The following PRKD1 variants were observed in gnomAD, a reference collection of about 807,000 sequenced individuals.
PRKD1 encodes the protein serine/threonine-protein kinase D1.
In PRKD1, 63 loss-of-function variants were observed where a neutral mutation model predicts 95.9. The observed-to-expected ratio is 0.66, with a 90% CI of 0.54 to 0.81. The LOEUF (loss-of-function observed/expected upper bound fraction) is 0.81. Among genes scored for constraint, PRKD1 ranks in the 30% least tolerant of loss-of-function variants. The probability of loss-of-function intolerance (pLI) is 0.00; values close to 1 mark genes in which losing one functional copy is unlikely to be tolerated. For missense variants in PRKD1, 1,048 were observed against 1,165.3 expected (o/e 0.90, Z 1.47); for synonymous variants, 425 against 423.1 (o/e 1.00, Z -0.05).
At chr14:29,630,538 T>A (rs1879930940) in intron 10 of PRKD1, 2 of 621,236 alleles carry the variant, frequency 3.2e-6, no homozygotes, top group Non-Finnish European at 5.4e-6. Context: ...AAAATAGCTA[T>A]AATAAAATAG....
chr14:29,728,096 C>T (rs955385905), intron 1 of PRKD1, among the ~76,000 whole-genome samples: 1 of 151,874 alleles, frequency 6.6e-6, no homozygotes, highest in Admixed American at 6.6e-5. Context: ...ACCAGCATGT[C>T]ACATGTATAC....
chr14:29,838,310 A>G (rs1272825511), intron 1 of PRKD1, among the ~76,000 whole-genome samples: 1 of 152,202 alleles, frequency 6.6e-6, no homozygotes, highest in East Asian at 1.9e-4. Flanking sequence ...ACTGCAGAGT[A>G]TAATCAAGCA....
chr14:29,713,320 C>A (rs1205876215), intron 2 of PRKD1, among the ~76,000 whole-genome samples: 2 of 152,094 alleles, frequency 1.3e-5, no homozygotes, highest in East Asian at 3.9e-4. Flanking sequence ...TTTAAACCTG[C>A]ATTCAGAATG....
intron 1 of PRKD1, among the ~76,000 whole-genome samples, chr14:29,894,851 G>A (rs951260061): frequency 2.6e-5 from 4 of 152,162 alleles, no homozygotes; most frequent in Admixed American, 2.6e-4. Flanking sequence ...GCTTTATTGA[G>A]CTTCAAACTT....
chr14:29,782,459 C>A (rs527380188), intron 1 of PRKD1, among the ~76,000 whole-genome samples: 1 of 152,044 alleles, frequency 6.6e-6, no homozygotes, highest in Admixed American at 6.6e-5. Flanking sequence ...AAACTTTGAA[C>A]GATTCTTTCT....
chr14:29,918,058 T>TG (rs1894954143), intron 1 of PRKD1, among the ~76,000 whole-genome samples: 1 of 151,898 alleles, frequency 6.6e-6, no homozygotes, highest in Non-Finnish European at 1.5e-5. Context: ...ACCCCAAAAT[T>TG]GATTTTTTCA....
At chr14:29,917,085 TAAGA>T (rs1894917859) in intron 1 of PRKD1, among the ~76,000 whole-genome samples, 1 of 152,174 alleles carries the variant, frequency 6.6e-6, no homozygotes, top group Non-Finnish European at 1.5e-5. Context: ...ATAAAAAGCT[TAAGA>T]AAGAGTGTCT....
At chr14:29,652,006 A>G (rs924013536) in intron 4 of PRKD1, among the ~76,000 whole-genome samples, 1 of 152,188 alleles carries the variant, frequency 6.6e-6, no homozygotes, top group Non-Finnish European at 1.5e-5. Context: ...TTGGCCTCCC[A>G]AAGTGTTGGG....
At chr14:29,703,085 T>C (rs1216266069) in intron 2 of PRKD1, among the ~76,000 whole-genome samples, 2 of 152,172 alleles carry the variant, frequency 1.3e-5, no homozygotes, top group Non-Finnish European at 2.9e-5. Context: ...TGATTTTTTT[T>C]CCCCATAGGT....
At chr14:29,885,964 CAAATA>C (rs1893692216) in intron 1 of PRKD1, among the ~76,000 whole-genome samples, 1 of 150,530 alleles carries the variant, frequency 6.6e-6, no homozygotes, top group Middle Eastern at 3.4e-3. Context: ...GACTCGGTCT[CAAATA>C]AAATAAAAAA....
At chr14:29,706,440 C>T (rs913916182) in intron 2 of PRKD1, among the ~76,000 whole-genome samples, 3 of 152,080 alleles carry the variant, frequency 2.0e-5, no homozygotes, top group Non-Finnish European at 4.4e-5. Context: ...TCCATTAAAA[C>T]AATGTTGTCT....
At chr14:29,632,700 C>T (rs1044041428) in intron 9 of PRKD1, among the ~76,000 whole-genome samples, 169 bp downstream of exon 9, 2 of 151,994 alleles carry the variant, frequency 1.3e-5, no homozygotes, top group African/African-American at 4.8e-5. Context: ...GAGGTCCCAA[C>T]CTGAATCCCA....
intron 1 of PRKD1, among the ~76,000 whole-genome samples, chr14:29,899,409 G>A (rs1304800098): frequency 6.6e-6 from 1 of 152,118 alleles, no homozygotes; most frequent in Admixed American, 6.6e-5. Flanking sequence ...CACTTTCAGA[G>A]GCCGAGGTGC....
chr14:29,811,298 C>T (rs1202299399), intron 1 of PRKD1, among the ~76,000 whole-genome samples: 7 of 152,192 alleles, frequency 4.6e-5, no homozygotes, highest in Non-Finnish European at 7.3e-5. Context: ...TGCGCACCCA[C>T]AGCTCACACA....
At chr14:29,774,110 T>C (rs1295738092) in intron 1 of PRKD1, among the ~76,000 whole-genome samples, 1 of 152,140 alleles carries the variant, frequency 6.6e-6, no homozygotes. Context: ...GATAAGCTCA[T>C]GGGAGAATCA....
chr14:29,718,425 G>A (rs1036238737), intron 2 of PRKD1, among the ~76,000 whole-genome samples: 3 of 152,068 alleles, frequency 2.0e-5, no homozygotes, highest in Non-Finnish European at 2.9e-5. Flanking sequence ...GGAACTGTGA[G>A]TCAATTAAGC....
chr14:29,721,124 C>T (rs1274590373), intron 2 of PRKD1, among the ~76,000 whole-genome samples: 1 of 152,156 alleles, frequency 6.6e-6, no homozygotes, highest in Admixed American at 6.5e-5. Context: ...ATTTTCAGCT[C>T]TTCTGTCATA....
chr14:29,656,821 CT>C (rs1280716227), intron 4 of PRKD1, among the ~76,000 whole-genome samples: 2 of 152,098 alleles, frequency 1.3e-5, no homozygotes, highest in Non-Finnish European at 2.9e-5. Flanking sequence ...GTTCTTTCAC[CT>C]CATTGAAAAT....
chr14:29,645,111 C>T (rs1355130026), intron 4 of PRKD1, among the ~76,000 whole-genome samples: 1 of 152,114 alleles, frequency 6.6e-6, no homozygotes, highest in Non-Finnish European at 1.5e-5. Flanking sequence ...CTTTCACATT[C>T]CTTGATTTTA....
Sources: allele counts gnomAD v4.1 joint callset (sites outside exome capture counted in the v4.1 genomes callset), GRCh38; gene constraint gnomAD v4.1.1; transcripts MANE v1.5; gene names NCBI Gene and HGNC (gene_info 2026-07-23, HGNC 2026-07-21).